PACRG: variants seen among roughly 807,000 people sequenced by gnomAD.
The protein encoded by PACRG is parkin coregulated gene protein.
Under a neutral mutation model 29.7 loss-of-function variants are expected in PACRG, and 29 were observed. That is an observed-to-expected ratio of 0.98 (90% CI 0.73 to 1.33). The LOEUF is 1.33. Among genes scored for constraint, PACRG ranks in the 40% most tolerant of loss-of-function variants. PACRG has a pLI of 0.00. For missense variants in PACRG, 279 were observed against 316.2 expected (o/e 0.88, Z 0.89); for synonymous variants, 116 against 118.7 (o/e 0.98, Z 0.15).
intron 2 of PACRG, among the ~76,000 whole-genome samples, chr6:162,884,624 G>A (rs1048780780): frequency 6.6e-6 from 1 of 152,024 alleles, no homozygotes; most frequent in African/African-American, 2.4e-5. Context: ...ATGAATTTTA[G>A]TTACAAGCAG....
At chr6:163,108,511 A>G (rs571197964) in intron 4 of PACRG, among the ~76,000 whole-genome samples, 12 of 145,962 alleles carry the variant, frequency 8.2e-5, no homozygotes, top group African/African-American at 3.0e-4. Context: ...CTCAGGCCTC[A>G]GTCCCTGAGT....
chr6:162,842,553 T>C (rs1789893100), intron 2 of PACRG, among the ~76,000 whole-genome samples: 1 of 150,292 alleles, frequency 6.7e-6, no homozygotes, highest in Non-Finnish European at 1.5e-5. Flanking sequence ...TTTATCCAAT[T>C]TGCCAGTCTG....
At chr6:163,060,661 A>G (rs532094763) in intron 2 of PACRG, among the ~76,000 whole-genome samples, 8 of 152,104 alleles carry the variant, frequency 5.3e-5, no homozygotes, top group Non-Finnish European at 8.8e-5. Context: ...CTACCTGAAC[A>G]TGCATTGTAA....
At chr6:163,305,068 G>A (rs1189186349) in intron 4 of PACRG, among the ~76,000 whole-genome samples, 2 of 152,230 alleles carry the variant, frequency 1.3e-5, no homozygotes, top group Non-Finnish European at 2.9e-5. Context: ...GGAGGGCCAA[G>A]GGCAGCATTT....
intron 4 of PACRG, among the ~76,000 whole-genome samples, chr6:163,285,868 T>C (rs1784385633): frequency 6.6e-6 from 1 of 152,218 alleles, no homozygotes; most frequent in Non-Finnish European, 1.5e-5. Flanking sequence ...TTGATTTGAC[T>C]GTAGACTCTG....
intron 4 of PACRG, among the ~76,000 whole-genome samples, chr6:163,112,486 C>G (rs1337868297): frequency 6.6e-6 from 1 of 152,198 alleles, no homozygotes; most frequent in Non-Finnish European, 1.5e-5. Flanking sequence ...TCATTTGTTG[C>G]AAGCCCCTCC....
At chr6:163,259,658 A>G (rs1402223389) in intron 4 of PACRG, among the ~76,000 whole-genome samples, 1 of 152,134 alleles carries the variant, frequency 6.6e-6, no homozygotes, top group African/African-American at 2.4e-5. Context: ...ACCTCACCCC[A>G]AAATATTAAG....
At chr6:163,027,634 C>A (rs1289295544) in intron 2 of PACRG, among the ~76,000 whole-genome samples, 1 of 152,126 alleles carries the variant, frequency 6.6e-6, no homozygotes, top group Non-Finnish European at 1.5e-5. Flanking sequence ...ATAACCCAAC[C>A]CCACAGATAC....
intron 2 of PACRG, among the ~76,000 whole-genome samples, chr6:162,995,095 C>T (rs1213997471): frequency 2.0e-5 from 3 of 151,134 alleles, no homozygotes; most frequent in Admixed American, 1.3e-4. Flanking sequence ...GCAGTCCGCC[C>T]GTTCTCAGAT....
intron 4 of PACRG, among the ~76,000 whole-genome samples, chr6:163,254,017 G>A (rs967671630): frequency 7.9e-5 from 12 of 152,304 alleles, no homozygotes; most frequent in African/African-American, 2.4e-4. Context: ...AGAAAGGGAC[G>A]GGTGTAGAGC....
chr6:162,966,387 T>C (rs1307454754), intron 2 of PACRG, among the ~76,000 whole-genome samples: 1 of 152,196 alleles, frequency 6.6e-6, no homozygotes, highest in African/African-American at 2.4e-5. Context: ...TCTGTTTTGT[T>C]GACATGGTAT....
chr6:163,179,175 C>T (rs1318293266), intron 4 of PACRG: 1 of 455,996 alleles, frequency 2.2e-6, no homozygotes, highest in East Asian at 7.0e-5. Flanking sequence ...TTGGCTCACA[C>T]TGATGTCCGC....
rs79325582 is a variant in PACRG at position 162,885,100 on chromosome 6, A to G, written c.291+70819A>G. Among the ~76,000 whole-genome samples, 226 of 152,282 alleles carry G rather than the reference A, an allele frequency of 1.5e-3. 2 individuals are homozygous for G. In the East Asian group the frequency reaches 0.018, roughly 12 times the overall value. Reference sequence around the variant, plus strand: ...TCGTCATAATACCATAATTTTCTGCATGAAATTTTGGTCTCCTTACCCTTG... The same window carrying G: ...TCGTCATAATACCATAATTTTCTGCGTGAAATTTTGGTCTCCTTACCCTTG... On this transcript the variant is annotated intron_variant, in intron 2 of 4. Coordinates refer to ENST00000366888, the MANE Select transcript of PACRG (RefSeq NM_001080379.2).
At chr6:162,809,811 CA>C (rs1357625227) in intron 1 of PACRG, among the ~76,000 whole-genome samples, 1 of 152,112 alleles carries the variant, frequency 6.6e-6, no homozygotes, top group African/African-American at 2.4e-5. Flanking sequence ...GGATGATTAG[CA>C]AACAAAATAT....
intron 2 of PACRG, among the ~76,000 whole-genome samples, chr6:163,030,771 G>A (rs1440779490): frequency 6.6e-6 from 1 of 152,188 alleles, no homozygotes; most frequent in Non-Finnish European, 1.5e-5. Flanking sequence ...AACTCCTGAT[G>A]TTGCCATGGC....
intron 4 of PACRG, among the ~76,000 whole-genome samples, chr6:163,110,974 C>T (rs191409281): frequency 5.9e-5 from 9 of 152,310 alleles, no homozygotes; most frequent in Admixed American, 5.9e-4. Context: ...GTGTCAAATC[C>T]AAATATGCTC....
intron 4 of PACRG, chr6:163,182,731 A>T (rs1779730214): frequency 6.6e-6 from 1 of 152,252 alleles, no homozygotes; most frequent in Non-Finnish European, 1.5e-5. Context: ...ACTAATCTTA[A>T]GTTGCAATTT....
At chr6:163,215,603 A>T (rs998672483) in intron 4 of PACRG, among the ~76,000 whole-genome samples, 1 of 152,254 alleles carries the variant, frequency 6.6e-6, no homozygotes, top group Non-Finnish European at 1.5e-5. Flanking sequence ...ATAAACAAAT[A>T]GAATATATAT....
intron 2 of PACRG, among the ~76,000 whole-genome samples, chr6:162,947,521 A>C (rs1234009430): frequency 1.7e-4 from 20 of 119,392 alleles, no homozygotes; most frequent in African/African-American, 6.3e-4. Flanking sequence ...TATATATATA[A>C]TCATATATAT....
Sources: allele counts gnomAD v4.1 joint callset (sites outside exome capture counted in the v4.1 genomes callset), GRCh38; gene constraint gnomAD v4.1.1; transcripts MANE v1.5; gene names NCBI Gene and HGNC (gene_info 2026-07-23, HGNC 2026-07-21).